The following PLA2G5 variants were observed in gnomAD, a reference collection of about 807,000 sequenced individuals.
PLA2G5 encodes the protein Ca2+-dependent phospholipase A2.
PLA2G5 carries 12 observed loss-of-function variants against 15.9 expected under a neutral mutation model. That is an observed-to-expected ratio of 0.76 (90% CI 0.48 to 1.23). The LOEUF is 1.23. Ranked by LOEUF, PLA2G5 falls within the 50% of genes most tolerant of loss-of-function variation. The probability of loss-of-function intolerance (pLI) is 0.00; values close to 1 mark genes in which losing one functional copy is unlikely to be tolerated. For missense variants in PLA2G5, 169 were observed against 177.1 expected, an observed-to-expected ratio of 0.95 and a Z score of 0.26; for synonymous variants, 71 against 71.4, an observed-to-expected ratio of 0.99 and a Z score of 0.03.
rs1035806984 is a variant in PLA2G5, at chr1:20,090,444, G to T, written c.293-124G>T. ...CTTCCATCAGATTCTCTATTCCCCC[G>T]ATTTAGGAGCCATGCCTCTTCCATC... On this transcript the variant is annotated intron_variant, in intron 4 of 4. Coordinates refer to ENST00000375108, the MANE Select transcript of PLA2G5 (RefSeq NM_000929.3). 7 of 959,616 alleles carry T rather than the reference G, an allele frequency of 7.3e-6. No homozygotes were observed. The African/African-American group carries it at 9.7e-5, about 13-fold the overall frequency. 59.4% of individuals were successfully genotyped at this position (959,616 alleles called of 1,614,324 possible).
At chr1:20,040,119 C>T (rs1266549603) in intron 1 of PLA2G5, among the ~76,000 whole-genome samples, 3 of 152,186 alleles carry the variant, frequency 2.0e-5, no homozygotes, top group Non-Finnish European at 4.4e-5. Context: ...CCTTCCTACA[C>T]TGTTCAATGT....
intron 1 of PLA2G5, among the ~76,000 whole-genome samples, chr1:20,047,406 G>C (rs185521286): frequency 4.5e-4 from 68 of 152,064 alleles, no homozygotes; most frequent in African/African-American, 1.6e-3. Context: ...AGAAAACAAA[G>C]AGAATGACTC....
intron 1 of PLA2G5, among the ~76,000 whole-genome samples, chr1:20,046,477 C>A (rs1157055902): frequency 6.6e-6 from 1 of 152,100 alleles, no homozygotes; most frequent in Non-Finnish European, 1.5e-5. Flanking sequence ...ACTTTTTTTC[C>A]ACCCTATATC....
At chr1:20,079,246 A>T (rs185570184) in intron 1 of PLA2G5, among the ~76,000 whole-genome samples, 1 of 152,308 alleles carries the variant, frequency 6.6e-6, no homozygotes, top group East Asian at 1.9e-4. Flanking sequence ...AGAACATTCT[A>T]GAAGGTGAGC....
intron 1 of PLA2G5, among the ~76,000 whole-genome samples, chr1:20,046,631 G>C (rs1381049786): frequency 6.6e-6 from 1 of 152,114 alleles, no homozygotes; most frequent in African/African-American, 2.4e-5. Context: ...GAGAGTCATG[G>C]GCAGATTCTT....
At chr1:20,060,295 C>T (rs1467801131) in intron 2 of PLA2G5, among the ~76,000 whole-genome samples, 3 of 136,632 alleles carry the variant, frequency 2.2e-5, no homozygotes, top group Non-Finnish European at 4.6e-5. Context: ...ACTCTGTCAC[C>T]CAGGCTGGAG....
intron 1 of PLA2G5, chr1:20,077,010 G>C (rs1393068054): frequency 6.6e-6 from 1 of 152,262 alleles, no homozygotes; most frequent in East Asian, 1.9e-4. Context: ...CCTTGGCAGG[G>C]CTTTAGCCCT....
intron 1 of PLA2G5, among the ~76,000 whole-genome samples, chr1:20,052,600 T>G (rs531181005): frequency 4.7e-4 from 71 of 152,328 alleles, no homozygotes; most frequent in African/African-American, 1.6e-3. Context: ...AAAATGAACT[T>G]TTGTAATAAC....
At chr1:20,084,422 GTCTTACATCT>G (rs1277320721) in intron 1 of PLA2G5, among the ~76,000 whole-genome samples, 1 of 152,112 alleles carries the variant, frequency 6.6e-6, no homozygotes, top group Non-Finnish European at 1.5e-5. Context: ...TTTTTCTTCC[GTCTTACATCT>G]TTCATCAAAG....
Position 20,038,342 on chromosome 1 carries a change from T to A in PLA2G5, n.276+9633T>A, listed in dbSNP as rs142809145. On this transcript the variant is annotated intron_variant and non_coding_transcript_variant, in intron 1 of 6. Coordinates refer to the PLA2G5 transcript ENST00000460175. ...AATTATTATAAGATTTAACTGGAAG[T>A]TTCCTTCTCCCTGTGATCTTTCCCC... 3.3e-5 allele frequency among the ~76,000 whole-genome samples: 5 copies of A among 152,260 alleles called. No individual in the cohort carries two copies. The East Asian group carries it at 9.6e-4, about 29-fold the overall frequency.
chr1:20,047,776 G>T (rs2013989025), intron 1 of PLA2G5, among the ~76,000 whole-genome samples: 2 of 150,934 alleles, frequency 1.3e-5, no homozygotes, highest in African/African-American at 4.9e-5. Flanking sequence ...ATATTTAAAA[G>T]GCATTTATAA....
At chr1:20,084,797 T>A in intron 1 of PLA2G5, 24 bp from the exon 2 acceptor site, 1 of 1,562,946 alleles carries the variant, frequency 6.4e-7, no homozygotes, top group Non-Finnish European at 8.8e-7. Context: ...ATAGATCTGT[T>A]GTGGGATGTG....
intron 1 of PLA2G5, among the ~76,000 whole-genome samples, chr1:20,079,977 A>C (rs999726828): frequency 6.6e-6 from 1 of 152,194 alleles, no homozygotes; most frequent in African/African-American, 2.4e-5. Context: ...GCTCAGGAAC[A>C]AGGCAGAAAA....
chr1:20,089,966 A>T (rs1042229866), intron 4 of PLA2G5, 71 bp downstream of exon 4: 2 of 1,068,246 alleles, frequency 1.9e-6, no homozygotes, highest in Admixed American at 2.1e-5. Flanking sequence ...CCTAGAGAAC[A>T]GCCAGCCTGT....
chr1:20,031,857 A>G (rs1259870739), intron 1 of PLA2G5, among the ~76,000 whole-genome samples: 1 of 152,146 alleles, frequency 6.6e-6, no homozygotes, highest in Non-Finnish European at 1.5e-5. Flanking sequence ...CACTTGTTGT[A>G]GGGACAGGGA....
In PLA2G5 at chr1:20,070,435, C is replaced by A. The variant is rs1279562706; in HGVS notation, c.-41C>A. ...GGAAGTTGCTCATGGGAGCAGACCT[C>A]TAGAGCAGGATTTGAGGCCAGGCCA... On this transcript the variant is annotated 5_prime_UTR_variant, in exon 1 of 5. Coordinates refer to ENST00000375108, the MANE Select transcript of PLA2G5 (RefSeq NM_000929.3). 3 of 985,312 alleles carry A rather than the reference C, an allele frequency of 3.0e-6. No homozygotes were observed. The highest frequency in any genetic ancestry group is 3.6e-6 in the Non-Finnish European group (3 of 830,000). The allele number at this position is 985,312 out of a possible 1,614,324, so 61.0% of individuals were successfully genotyped here. A position where few individuals can be genotyped will look rare whatever the true frequency, so the allele number is the denominator to read the frequency against.
rs757453309 is a variant in PLA2G5 at position 20,086,222 on chromosome 1, C to T, written c.180C>T (p.Thr60=). ...WGGRGTPKDG[T]DWCCWAHDHC... ...GCCGAGGAACCCCCAAGGATGGCAC[C>T]GATTGGTGAGCTGATCGCTATAACT... The change falls in exon 3 of 5, where the codon ACC becomes ACT. Residue 60 remains threonine, a synonymous_variant. Transcript: ENST00000375108. The T allele has an allele frequency of 9.9e-6, 16 of 1,613,930 alleles. No homozygotes were observed. In the African/African-American group the frequency reaches 1.6e-4, roughly 16 times the overall value.
At chr1:20,031,320 T>C (rs1186369951) in intron 1 of PLA2G5, among the ~76,000 whole-genome samples, 1 of 152,090 alleles carries the variant, frequency 6.6e-6, no homozygotes, top group African/African-American at 2.4e-5. Context: ...TCGTGACTGA[T>C]TTAAGAGGTA....
intron 1 of PLA2G5, among the ~76,000 whole-genome samples, chr1:20,076,334 G>A (rs772694751): frequency 6.6e-6 from 1 of 151,950 alleles, no homozygotes; most frequent in African/African-American, 2.4e-5. Flanking sequence ...TCCACTCATC[G>A]GCAATTATTG....
Sources: allele counts gnomAD v4.1 joint callset (sites outside exome capture counted in the v4.1 genomes callset), GRCh38; gene constraint gnomAD v4.1.1; transcripts MANE v1.5; gene names NCBI Gene and HGNC (gene_info 2026-07-23, HGNC 2026-07-21).